The following NDST3 variants were observed in gnomAD, a reference collection of about 807,000 sequenced individuals.
NDST3 encodes N-deacetylase and N-sulfotransferase 3, also known as bifunctional heparan sulfate N-deacetylase/N-sulfotransferase 3.
Under a neutral mutation model 96.1 loss-of-function variants are expected in NDST3, and 58 were observed. The observed-to-expected ratio is 0.60, with a 90% CI of 0.49 to 0.75. The LOEUF (loss-of-function observed/expected upper bound fraction) is 0.75, where lower values mean the gene tolerates loss of function less well. Among genes scored for constraint, NDST3 ranks in the 30% least tolerant of loss-of-function variants. NDST3 has a pLI of 0.00. For synonymous variants in NDST3, 333 were observed against 359.7 expected, an observed-to-expected ratio of 0.93 and a Z score of 0.84; for missense variants, 788 against 1,034.2, an observed-to-expected ratio of 0.76 and a Z score of 3.27.
At chr4:118,143,847 A>C (rs577865250) in intron 6 of NDST3, among the ~76,000 whole-genome samples, 163 bp downstream of exon 6, 1 of 152,324 alleles carries the variant, frequency 6.6e-6, no homozygotes, top group East Asian at 1.9e-4. Flanking sequence ...AGAAATGGGA[A>C]CAAACCAATT....
intron 6 of NDST3, chr4:118,194,723 T>C: frequency 1.9e-6 from 1 of 531,328 alleles, no homozygotes; most frequent in Middle Eastern, 5.5e-4. Flanking sequence ...TGTCCCATTC[T>C]CAGTCTCCTT....
At chr4:118,216,631 G>C (rs373881463) in intron 6 of NDST3, among the ~76,000 whole-genome samples, 1 of 152,040 alleles carries the variant, frequency 6.6e-6, no homozygotes, top group African/African-American at 2.4e-5. Flanking sequence ...AAGACATAAA[G>C]ATATAGTTTA....
At chr4:118,171,731 C>T (rs1735966603) in intron 6 of NDST3, among the ~76,000 whole-genome samples, 1 of 152,184 alleles carries the variant, frequency 6.6e-6, no homozygotes, top group African/African-American at 2.4e-5. Flanking sequence ...TACAATACCG[C>T]TTTCCAGGGA....
At chr4:118,148,082 A>T (rs914295838) in intron 6 of NDST3, among the ~76,000 whole-genome samples, 1 of 152,176 alleles carries the variant, frequency 6.6e-6, no homozygotes, top group African/African-American at 2.4e-5. Flanking sequence ...GCAGATCATG[A>T]GGTCAGGAGA....
chr4:118,054,891 G>C lies in NDST3; in HGVS notation c.981G>C (p.Lys327Asn). The C allele has an allele frequency of 6.2e-7, 1 of 1,608,400 alleles. No individual in the cohort carries two copies. The highest frequency in any genetic ancestry group is 1.3e-5 in the African/African-American group (1 of 74,942). ...EGTRMNTNDV[K>N]ALLDTQNLLR... ...CAAGAATGAACACCAATGATGTAAA[G>C]GTAAGGCTCTATTTTCTCAAGTTTC... Residue 327 changes from lysine to asparagine, a missense_variant and splice_region_variant, in exon 2 of 14, where the codon AAG (lysine) becomes AAC (asparagine). Transcript: ENST00000296499.
intron 6 of NDST3, among the ~76,000 whole-genome samples, chr4:118,200,964 T>G (rs1372005055): frequency 6.6e-6 from 1 of 152,124 alleles, no homozygotes; most frequent in African/African-American, 2.4e-5. Context: ...TAGTCCACAG[T>G]GTCTATCGTT....
Position 118,122,625 on chromosome 4 carries a change from G to A in NDST3, c.1224+7665G>A, listed in dbSNP as rs554285157. Among the ~76,000 whole-genome samples the A allele has an allele frequency of 3.3e-5, 5 of 151,804 alleles. No individual in the cohort carries two copies. In the South Asian group the frequency reaches 8.3e-4, roughly 25 times the overall value. ...TCCAAACTAGTCTCCCCAATTTCCC[G>A]TTTTTTTCCTTTAATTTTTGCTCAG... On this transcript the variant is annotated intron_variant, in intron 4 of 13. Transcript: ENST00000296499.
intron 2 of NDST3, among the ~76,000 whole-genome samples, chr4:118,084,468 T>G (rs140925998): frequency 6.6e-6 from 1 of 152,316 alleles, no homozygotes; most frequent in African/African-American, 2.4e-5. Flanking sequence ...AACATGTTTT[T>G]CTCACTCTTT....
At chr4:118,034,360 C>T (rs934245537), upstream of NDST3, 1 of 152,142 alleles carries the variant, frequency 6.6e-6, no homozygotes, top group Admixed American at 6.5e-5. Flanking sequence ...CCCTTGGCGA[C>T]GGGTCTTGCA....
chr4:118,089,911 C>T (rs1728729452), intron 2 of NDST3, among the ~76,000 whole-genome samples: 1 of 151,786 alleles, frequency 6.6e-6, no homozygotes, highest in South Asian at 2.1e-4. Context: ...AAGAAGAAGC[C>T]CATGTCAAGC....
chr4:118,233,436 C>T (rs796111761), intron 9 of NDST3, among the ~76,000 whole-genome samples: 2 of 152,084 alleles, frequency 1.3e-5, no homozygotes, highest in African/African-American at 4.8e-5. Flanking sequence ...AATTTAATTC[C>T]TTTCTACTCG....
At chr4:118,066,291 T>A (rs1403910504) in intron 2 of NDST3, among the ~76,000 whole-genome samples, 1 of 7,678 alleles carries the variant, frequency 1.3e-4, no homozygotes, top group African/African-American at 2.0e-4. Flanking sequence ...TTATATATAT[T>A]ATATATATTA....
In NDST3 at chr4:118,255,613, C is replaced by G; in HGVS notation, c.2523C>G (p.Ser841Arg). Reference sequence around the variant, plus strand: ...CTTAGAGCAGGACATTTCTGTCAAGCTACTATCGAGATCACAACGTGGAAC... The same window carrying G: ...CTTAGAGCAGGACATTTCTGTCAAGGTACTATCGAGATCACAACGTGGAAC... ...MDSDSRTFLS[S>R]YYRDHNVELS... Residue 841 changes from serine (S) to arginine (R), a missense_variant, in exon 14 of 14, where the codon AGC (serine) becomes AGG (arginine). Transcript: ENST00000296499. The G allele has an allele frequency of 6.2e-7, 1 of 1,613,468 alleles. No individual in the cohort carries two copies. Among genetic ancestry groups the G allele is most frequent in the Non-Finnish European group, 8.5e-7 (1 of 1,179,626 alleles).
chr4:118,204,216 C>T (rs1007836230), intron 6 of NDST3, among the ~76,000 whole-genome samples: 1 of 152,042 alleles, frequency 6.6e-6, no homozygotes, highest in Admixed American at 6.6e-5. Context: ...GCAGGTACCT[C>T]GCTTGGTCAC....
chr4:118,215,091 G>C (rs952239862), intron 6 of NDST3, among the ~76,000 whole-genome samples: 1 of 151,976 alleles, frequency 6.6e-6, no homozygotes, highest in Non-Finnish European at 1.5e-5. Context: ...GGCACATTCA[G>C]ATAAAAATGT....
chr4:118,051,676 T>C lies in NDST3; in HGVS notation c.-155-2080T>C, dbSNP rs145612227. On this transcript the variant is annotated intron_variant, in intron 1 of 13. Coordinates refer to ENST00000296499, the MANE Select transcript of NDST3 (RefSeq NM_004784.3). ...CTAAATAGAAAAAGAAGTCAAATTA[T>C]CTCTCTTTGCTGATGATATGATTCT... is the stretch of plus-strand genomic sequence containing the variant. Among the ~76,000 whole-genome samples, 18 of 152,122 alleles carry C rather than the reference T, an allele frequency of 1.2e-4. No individual in the cohort carries two copies. The East Asian group carries it at 3.3e-3, about 28-fold the overall frequency.
chr4:118,209,477 A>T (rs1738649820), intron 6 of NDST3, among the ~76,000 whole-genome samples: 1 of 152,242 alleles, frequency 6.6e-6, no homozygotes, highest in Non-Finnish European at 1.5e-5. Flanking sequence ...TTCTCATGAC[A>T]TGTAAATATT....
At chr4:118,064,210 T>C (rs756467095) in intron 2 of NDST3, among the ~76,000 whole-genome samples, 14 of 152,204 alleles carry the variant, frequency 9.2e-5, no homozygotes, top group Non-Finnish European at 1.8e-4. Flanking sequence ...TACTCAGATT[T>C]TAAAGTCTGT....
chr4:118,045,780 A>G (rs374410058), intron 1 of NDST3, among the ~76,000 whole-genome samples: 4 of 152,176 alleles, frequency 2.6e-5, no homozygotes, highest in African/African-American at 9.7e-5. Flanking sequence ...CTTATGACAA[A>G]CACTAAATAC....
Sources: allele counts gnomAD v4.1 joint callset (sites outside exome capture counted in the v4.1 genomes callset), GRCh38; gene constraint gnomAD v4.1.1; transcripts MANE v1.5; gene names NCBI Gene and HGNC (gene_info 2026-07-23, HGNC 2026-07-21).